Variants in ZNF384 observed in about 807,000 individuals in gnomAD.
ZNF384 encodes the protein CAG repeat protein 1.
ZNF384 carries 20 observed loss-of-function variants against 65.0 expected under a neutral mutation model. The ratio of observed to expected loss-of-function variants is 0.31; its 90% CI spans 0.22 to 0.45. The LOEUF (loss-of-function observed/expected upper bound fraction) is 0.45, where lower values mean the gene tolerates loss of function less well. Among genes scored for constraint, ZNF384 ranks in the 20% least tolerant of loss-of-function variants. The pLI, the probability that ZNF384 is intolerant of heterozygous loss-of-function variation, is 1.00. For missense variants in ZNF384, 549 were observed against 769.4 expected, an observed-to-expected ratio of 0.71 and a Z score of 3.39; for synonymous variants, 310 against 303.9, an observed-to-expected ratio of 1.02 and a Z score of -0.21.
intron 3 of ZNF384, 46 bp from the exon 4 acceptor site, chr12:6,679,229 G>C: frequency 6.6e-7 from 1 of 1,505,692 alleles, no homozygotes; most frequent in Non-Finnish European, 9.0e-7. Flanking sequence ...CAGCCTGAGA[G>C]GCTGATTCTG....
At chr12:6,669,759 C>T (rs1400090459) in intron 10 of ZNF384, among the ~76,000 whole-genome samples, 1 of 152,158 alleles carries the variant, frequency 6.6e-6, no homozygotes, top group African/African-American at 2.4e-5. Context: ...GCCTCCGCCG[C>T]CCAAAGTGCT....
At chr12:6,686,824 A>G (rs1009380305) in intron 2 of ZNF384, among the ~76,000 whole-genome samples, 6 of 152,248 alleles carry the variant, frequency 3.9e-5, no homozygotes, top group African/African-American at 1.2e-4. Context: ...TGAAAATTAC[A>G]TAAGGACTAC....
chr12:6,675,281 G>A (rs1351752722), intron 7 of ZNF384, among the ~76,000 whole-genome samples: 1 of 152,152 alleles, frequency 6.6e-6, no homozygotes, highest in Non-Finnish European at 1.5e-5. Flanking sequence ...ACTAGGTTAG[G>A]CACTTCAGAC....
chr12:6,666,597 T>G lies in ZNF384; in HGVS notation c.*1117A>C, dbSNP rs1391020730. 6.1e-6 allele frequency: 1 copy of G among 164,816 alleles called. No individual in the cohort carries two copies. Among genetic ancestry groups the G allele is most frequent in the Non-Finnish European group, 1.3e-5 (1 of 75,856 alleles). The allele number at this position is 164,816 out of a possible 1,614,324, so 10.2% of individuals were successfully genotyped here. On this transcript the variant is annotated 3_prime_UTR_variant, in exon 12 of 12. Coordinates refer to ENST00000683879, the MANE Select transcript of ZNF384 (RefSeq NM_001385745.1). ...TTATAACAACTGGTTTCCTGATTTT[T>G]TTTTTAATTTCCTTTCCTCTGAAAT...
chr12:6,671,998 CCT>C (rs1951687168), intron 9 of ZNF384: 1 of 219,988 alleles, frequency 4.5e-6, no homozygotes, highest in Non-Finnish European at 9.2e-6. Flanking sequence ...CACTCAAATG[CCT>C]CTGTTTTGGC....
Position 6,667,472 on chromosome 12 carries a change from G to A in ZNF384, c.*242C>T. Reference sequence around the variant, plus strand: ...CCCCAGTTTTAGAAGCTTTGCTTGGGAGGGGAGGCTGCTGGATGACACCAT... The same window carrying A: ...CCCCAGTTTTAGAAGCTTTGCTTGGAAGGGGAGGCTGCTGGATGACACCAT... On this transcript the variant is annotated 3_prime_UTR_variant, in exon 12 of 12. Coordinates refer to ENST00000683879, the MANE Select transcript of ZNF384 (RefSeq NM_001385745.1). 1 of 616,552 alleles carries A rather than the reference G, an allele frequency of 1.6e-6. No homozygotes were observed. Among genetic ancestry groups the A allele is most frequent in the South Asian group, 1.8e-5 (1 of 54,972 alleles). The allele number at this position is 616,552 out of a possible 1,614,324, so 38.2% of individuals were successfully genotyped here.
intron 1 of ZNF384, 155 bp downstream of exon 1, chr12:6,688,943 C>T (rs1428435973): frequency 6.6e-6 from 1 of 152,570 alleles, no homozygotes; most frequent in African/African-American, 2.4e-5. Context: ...CCCATTCCTT[C>T]CCATCGCCCG....
chr12:6,679,233 G>A (rs1374670399), intron 3 of ZNF384, 50 bp from the exon 4 acceptor site: 1 of 1,494,576 alleles, frequency 6.7e-7, no homozygotes, highest in African/African-American at 1.4e-5. Context: ...CTGAGAGGCT[G>A]ATTCTGCTTG....
Position 6,678,892 on chromosome 12 carries a change from G to C in ZNF384, c.304+54C>G, listed in dbSNP as rs767016892. 21 of 1,576,392 alleles carry C rather than the reference G, an allele frequency of 1.3e-5. No homozygotes were observed. Among genetic ancestry groups the C allele is most frequent in the Non-Finnish European group, 1.8e-5 (21 of 1,148,460 alleles). On this transcript the variant is annotated intron_variant, in intron 4 of 11. Coordinates refer to ENST00000683879, the MANE Select transcript of ZNF384 (RefSeq NM_001385745.1). The surrounding 1 kb of genome is among the most constrained non-coding windows in gnomAD (Gnocchi z 4.9). ...TGTCCTTGGAGCCCTCCAGCCTGGG[G>C]TACTGATCATGGAAGATCAACACCT...
chr12:6,673,622 A>G lies in ZNF384; in HGVS notation c.780-182T>C, dbSNP rs1814468406. 6.6e-6 allele frequency among the ~76,000 whole-genome samples: 1 copy of G among 152,194 alleles called. No homozygotes were observed. The highest frequency in any genetic ancestry group is 2.4e-5 in the African/African-American group (1 of 41,448). On this transcript the variant is annotated intron_variant, in intron 7 of 11. Coordinates refer to ENST00000683879, the MANE Select transcript of ZNF384 (RefSeq NM_001385745.1). The surrounding 1 kb of genome is among the most constrained non-coding windows in gnomAD (Gnocchi z 4.7). ...TAACATGGTGCCCAGCACATTATAA[A>G]TATTCAATAAATGTTTGCTGAATGA...
rs971573901 is a variant in ZNF384 at position 6,668,171 on chromosome 12, T to C, written c.1426-56A>G. On this transcript the variant is annotated intron_variant, in intron 11 of 11. Transcript: ENST00000683879. ...ATAAAGAGGAAGGAAAAGAGATTAC[T>C]TGTAACTAGCACCCCAGGCTCTGAT... 2.4e-5 allele frequency: 36 copies of C among 1,478,750 alleles called. No individual in the cohort carries two copies. In the East Asian group the frequency reaches 2.5e-4, roughly 10 times the overall value. 91.6% of individuals were successfully genotyped at this position (1,478,750 alleles called of 1,614,324 possible).
intron 2 of ZNF384, among the ~76,000 whole-genome samples, chr12:6,684,308 T>C (rs1362427194): frequency 1.3e-5 from 2 of 152,122 alleles, no homozygotes; most frequent in Non-Finnish European, 2.9e-5. Context: ...TTTCTGATGT[T>C]ATGGCTTGAT....
chr12:6,678,534 A>G lies in ZNF384; in HGVS notation c.353-74T>C. Reference sequence around the variant, plus strand: ...CCTAATCCTATTTCATTTCCCCCAGATCATTGTCTAATTAACCCCTCACCC... The same window carrying G: ...CCTAATCCTATTTCATTTCCCCCAGGTCATTGTCTAATTAACCCCTCACCC... On this transcript the variant is annotated intron_variant, in intron 5 of 11. Transcript: ENST00000683879. This position sits in a 1 kb window ranked among gnomAD's most constrained non-coding sequence, Gnocchi z 4.9. 1 of 1,527,286 alleles carries G rather than the reference A, an allele frequency of 6.5e-7. No individual in the cohort carries two copies. The highest frequency in any genetic ancestry group is 8.9e-7 in the Non-Finnish European group (1 of 1,117,894). 94.6% of individuals were successfully genotyped at this position (1,527,286 alleles called of 1,614,324 possible).
In ZNF384 at chr12:6,677,171, G is replaced by A. The variant is rs2136876763; in HGVS notation, c.775C>T (p.Pro259Ser). 9.7e-7 allele frequency: 1 copy of A among 1,028,250 alleles called. No individual in the cohort carries two copies. The highest frequency in any genetic ancestry group is 1.3e-6 in the Non-Finnish European group (1 of 743,484). 63.7% of individuals were successfully genotyped at this position (1,028,250 alleles called of 1,614,324 possible). A position where few individuals can be genotyped will look rare whatever the true frequency, so the allele number is the denominator to read the frequency against. Reference protein sequence around the residue: ...PGSTTNLLCDPGCRMCSLTFY... With the variant: ...PGSTTNLLCDSGCRMCSLTFY... ...AGAGAGGGGAAAAGGACTTGCCCAG[G>A]GTCACACAGCAAATTCGTGGTGGAG... is the stretch of plus-strand genomic sequence containing the variant. The change falls in exon 7 of 12, where the codon CCT (proline) becomes TCT (serine). Residue 259 changes from proline to serine, a missense_variant. Around this residue, in one of 5 missense-constraint regions of ZNF384, gnomAD observed 277 missense variants for 337.2 expected, o/e 0.82. Transcript: ENST00000683879.
intron 9 of ZNF384, 90 bp from the exon 10 acceptor site, chr12:6,670,928 T>C: frequency 3.4e-6 from 4 of 1,188,368 alleles, no homozygotes; most frequent in Non-Finnish European, 4.9e-6. Context: ...CATCCTGCTC[T>C]CCTAAGGAGG....
Position 6,673,096 on chromosome 12 carries a change from G to A in ZNF384, c.1004+120C>T. The A allele has an allele frequency of 1.1e-6, 1 of 913,998 alleles. No homozygotes were observed. The highest frequency in any genetic ancestry group is 1.7e-6 in the Non-Finnish European group (1 of 600,442). The allele number at this position is 913,998 out of a possible 1,614,324, so 56.6% of individuals were successfully genotyped here. On this transcript the variant is annotated intron_variant, in intron 8 of 11. Coordinates refer to ENST00000683879, the MANE Select transcript of ZNF384 (RefSeq NM_001385745.1). The surrounding 1 kb of genome is among the most constrained non-coding windows in gnomAD (Gnocchi z 4.7). Reference sequence around the variant, plus strand: ...TCCACAGACAGTAATAGGAGGTTGAGGCTACCAATGGGCAAAGGTGAAAGG... The same window carrying A: ...TCCACAGACAGTAATAGGAGGTTGAAGCTACCAATGGGCAAAGGTGAAAGG...
At chr12:6,682,375 CAT>C (rs1956341376) in intron 2 of ZNF384, among the ~76,000 whole-genome samples, 3 of 142,824 alleles carry the variant, frequency 2.1e-5, no homozygotes, top group Non-Finnish European at 4.6e-5. Flanking sequence ...CAAAACAAAA[CAT>C]GCAAGTTGCG....
At position 6,678,814 on chromosome 12, in the gene ZNF384, T is replaced by C. The variant is rs1954751706; in HGVS notation, c.305-104A>G. ...GCCTAGCACATTGCTAGGCACACAGTAGGCACTTAATAAAAATTTGATTGA... is the reference window on the plus strand; with the variant it reads ...GCCTAGCACATTGCTAGGCACACAGCAGGCACTTAATAAAAATTTGATTGA... On this transcript the variant is annotated intron_variant, in intron 4 of 11. Coordinates refer to ENST00000683879, the MANE Select transcript of ZNF384 (RefSeq NM_001385745.1). The surrounding 1 kb of genome is among the most constrained non-coding windows in gnomAD (Gnocchi z 4.9). 1.4e-6 allele frequency: 2 copies of C among 1,458,256 alleles called. No homozygotes were observed. The highest frequency in any genetic ancestry group is 3.5e-5 in the Admixed American group (2 of 57,198). 90.3% of individuals were successfully genotyped at this position (1,458,256 alleles called of 1,614,324 possible).
At position 6,667,085 on chromosome 12, in the gene ZNF384, G is replaced by T. The variant is rs1339529350; in HGVS notation, c.*629C>A. 3 of 233,304 alleles carry T rather than the reference G, an allele frequency of 1.3e-5. No individual in the cohort carries two copies. The highest frequency in any genetic ancestry group is 2.6e-5 in the Non-Finnish European group (3 of 117,380). The allele number at this position is 233,304 out of a possible 1,614,324, so 14.5% of individuals were successfully genotyped here. ...CTTCTAAGCCACCTGTGACCAACTT[G>T]GGAATTTCTGGCCCCTTGGGGACCA... On this transcript the variant is annotated 3_prime_UTR_variant, in exon 12 of 12. Transcript: ENST00000683879.
Sources: gnomAD v4.1 joint callset for allele counts (sites outside exome capture counted in the v4.1 genomes callset) on GRCh38, gnomAD v4.1.1 for gene constraint, gnomAD v4.1.1 regional missense constraint, Gnocchi (gnomAD v3.1) non-coding constraint, MANE v1.5 for transcripts, NCBI Gene and HGNC (gene_info 2026-07-23, HGNC 2026-07-21) for gene names.